SOX5: variants seen among roughly 807,000 people sequenced by gnomAD.
SOX5 encodes the protein transcription factor SOX-5.
SOX5 carries 9 observed loss-of-function variants against 92.0 expected under a neutral mutation model. The ratio of observed to expected loss-of-function variants is 0.10; its 90% confidence interval spans 0.06 to 0.17. The LOEUF is 0.17. Among genes scored for constraint, SOX5 ranks in the 10% least tolerant of loss-of-function variants. The pLI, the probability that SOX5 is intolerant of heterozygous loss-of-function variation, is 1.00. For missense variants in SOX5, 642 were observed against 944.5 expected, an observed-to-expected ratio of 0.68 and a Z score of 4.20; for synonymous variants, 344 against 336.3, an observed-to-expected ratio of 1.02 and a Z score of -0.25.
chr12:24,467,223 A>T (rs926926413), intron 1 of SOX5, among the ~76,000 whole-genome samples: 4 of 152,212 alleles, frequency 2.6e-5, no homozygotes, highest in Non-Finnish European at 5.9e-5. Context: ...TCATTCAACA[A>T]GCATTTCTTA....
intron 4 of SOX5, among the ~76,000 whole-genome samples, chr12:24,195,777 TA>T (rs1181403805): frequency 1.3e-5 from 2 of 152,134 alleles, no homozygotes; most frequent in Non-Finnish European, 1.5e-5. Context: ...TTGAATCAAT[TA>T]AAAAAATACA....
chr12:23,965,898 T>G (rs890590670), intron 4 of SOX5, among the ~76,000 whole-genome samples: 34 of 152,122 alleles, frequency 2.2e-4, no homozygotes, highest in African/African-American at 8.2e-4. Flanking sequence ...GGATTGCAGC[T>G]GTGAGCCACC....
At chr12:23,550,306 A>G (rs951630721) in intron 11 of SOX5, among the ~76,000 whole-genome samples, 3 of 151,924 alleles carry the variant, frequency 2.0e-5, no homozygotes, top group Non-Finnish European at 4.4e-5. Context: ...TATTTTAATC[A>G]AACTCTCTGC....
At chr12:24,147,355 A>G (rs1160271381) in intron 4 of SOX5, among the ~76,000 whole-genome samples, 1 of 152,222 alleles carries the variant, frequency 6.6e-6, no homozygotes, top group Non-Finnish European at 1.5e-5. Flanking sequence ...ATCAACAAAT[A>G]TAGAAAACAC....
At chr12:23,543,151 G>T in intron 13 of SOX5, 60 bp downstream of exon 13, 1 of 1,404,960 alleles carries the variant, frequency 7.1e-7, no homozygotes, top group South Asian at 1.4e-5. Flanking sequence ...TTCCACAACT[G>T]CAGAAAACAG....
chr12:24,520,361 A>C (rs1393281845), intron 1 of SOX5, among the ~76,000 whole-genome samples: 1 of 152,138 alleles, frequency 6.6e-6, no homozygotes, highest in African/African-American at 2.4e-5. Flanking sequence ...GGAGAGAGTG[A>C]AAGTATGGTG....
At chr12:24,217,209 A>G (rs1454111973) in intron 3 of SOX5, among the ~76,000 whole-genome samples, 1 of 152,164 alleles carries the variant, frequency 6.6e-6, no homozygotes, top group African/African-American at 2.4e-5. Flanking sequence ...TTTTGTAGCC[A>G]ATTCTGCCAA....
chr12:23,850,901 T>C (rs769288235), intron 2 of SOX5, among the ~76,000 whole-genome samples: 3 of 152,146 alleles, frequency 2.0e-5, no homozygotes, highest in African/African-American at 2.4e-5. Flanking sequence ...ACAGAGTTAA[T>C]TTTATATGTT....
rs371195426 is a variant in SOX5 at position 23,635,257 on chromosome 12, A to G, written c.1017+5555T>C. 5.8e-4 allele frequency among the ~76,000 whole-genome samples: 88 copies of G among 152,294 alleles called. 1 individual carries two copies. The highest frequency in any genetic ancestry group is 2.1e-3 in the African/African-American group (86 of 41,562). On this transcript the variant is annotated intron_variant, in intron 8 of 14. Transcript: ENST00000451604. The stretch of plus-strand genomic sequence containing the variant: ...TTTCCTGGGGTTATTCCAGGAAGAG[A>G]AAACACCACTTGTAAAGATCCAGGG...
At chr12:23,585,121 C>T (rs185590298) in intron 9 of SOX5, among the ~76,000 whole-genome samples, 5 of 152,210 alleles carry the variant, frequency 3.3e-5, no homozygotes, top group Admixed American at 2.6e-4. Context: ...TTTACGTTTA[C>T]GTACAATGCA....
At chr12:24,067,120 G>A (rs958375929) in intron 4 of SOX5, among the ~76,000 whole-genome samples, 4 of 152,144 alleles carry the variant, frequency 2.6e-5, no homozygotes, top group Non-Finnish European at 4.4e-5. Context: ...TGACTCACTC[G>A]CAGAGAAACT....
chr12:24,238,870 C>G (rs540751485), intron 3 of SOX5, among the ~76,000 whole-genome samples: 1 of 152,218 alleles, frequency 6.6e-6, no homozygotes, highest in Non-Finnish European at 1.5e-5. Flanking sequence ...CTGCCCATCT[C>G]TCACATTCAA....
chr12:23,909,561 C>T lies in SOX5; in HGVS notation c.39-13537G>A, dbSNP rs528032098. Among the ~76,000 whole-genome samples the T allele has an allele frequency of 3.9e-5, 6 of 152,252 alleles. No individual in the cohort carries two copies. In the East Asian group the frequency reaches 1.2e-3, roughly 29 times the overall value. ...AAAACCTTCAAGTTGGAATCTTGCA[C>T]TTCAATACAGTATTTACCATTTACC... On this transcript the variant is annotated intron_variant, in intron 1 of 14. Transcript: ENST00000451604.
In SOX5 at chr12:23,971,535, A is replaced by T. The variant is rs1273487411; in HGVS notation, c.-1-75511T>A. Among the ~76,000 whole-genome samples the T allele has an allele frequency of 1.3e-5, 2 of 149,990 alleles. 1 individual carries two copies. Among genetic ancestry groups the T allele is most frequent in the South Asian group, 4.2e-4 (2 of 4,798 alleles). ...GAGGTTTACTTCCACTTCAGAATAT[A>T]TATATATATATATTAAATTAAATAT... is the stretch of plus-strand genomic sequence containing the variant. On this transcript the variant is annotated intron_variant, in intron 4 of 4. Transcript: ENST00000446891.
At chr12:24,541,544 G>T (rs1952128508) in intron 1 of SOX5, among the ~76,000 whole-genome samples, 1 of 152,080 alleles carries the variant, frequency 6.6e-6, no homozygotes, top group Non-Finnish European at 1.5e-5. Context: ...CCTTTAAGTT[G>T]CATTTGAATT....
intron 4 of SOX5, among the ~76,000 whole-genome samples, chr12:24,073,867 T>G (rs894112650): frequency 6.6e-6 from 1 of 152,182 alleles, no homozygotes; most frequent in African/African-American, 2.4e-5. Context: ...GACAATAAAT[T>G]TTATTTATTG....
At chr12:23,571,496 C>T (rs892909659) in intron 10 of SOX5, among the ~76,000 whole-genome samples, 1 of 152,000 alleles carries the variant, frequency 6.6e-6, no homozygotes, top group African/African-American at 2.4e-5. Context: ...CTAAGCAAAA[C>T]GTATGGCAAA....
At chr12:24,198,527 T>C (rs1957219616) in intron 4 of SOX5, among the ~76,000 whole-genome samples, 1 of 152,204 alleles carries the variant, frequency 6.6e-6, no homozygotes, top group Admixed American at 6.5e-5. Context: ...GCAGGGTATG[T>C]GTCACGTCTA....
chr12:23,798,242 A>G (rs1455911167), intron 3 of SOX5, among the ~76,000 whole-genome samples: 2 of 151,972 alleles, frequency 1.3e-5, no homozygotes, highest in Non-Finnish European at 2.9e-5. Flanking sequence ...CTGTACCTAG[A>G]ACACTGACTT....
Sources: gnomAD v4.1 joint callset for allele counts (sites outside exome capture counted in the v4.1 genomes callset) on GRCh38, gnomAD v4.1.1 for gene constraint, MANE v1.5 for transcripts, NCBI Gene and HGNC (gene_info 2026-07-23, HGNC 2026-07-21) for gene names.